The following SMCO4 variants were observed in gnomAD, a reference collection of about 807,000 sequenced individuals.
SMCO4 encodes the protein single-pass membrane and coiled-coil domain-containing protein 4.
In SMCO4, 4 loss-of-function variants were observed where a neutral mutation model predicts 3.6. The observed-to-expected ratio is 1.11, with a 90% CI of 0.54 to 2.53. The LOEUF is 2.53. Among genes scored for constraint, SMCO4 ranks in the 30% most tolerant of loss-of-function variants. The pLI, the probability that SMCO4 is intolerant of heterozygous loss-of-function variation, is 0.02. For missense variants in SMCO4, 70 were observed against 80.8 expected (o/e 0.87, Z 0.51); for synonymous variants, 36 against 35.3 (o/e 1.02, Z -0.07).
At chr11:93,502,029 C>T (rs1948844685) in intron 1 of SMCO4, among the ~76,000 whole-genome samples, 1 of 151,978 alleles carries the variant, frequency 6.6e-6, no homozygotes, top group African/African-American at 2.4e-5. Flanking sequence ...GCAGGTGACC[C>T]AGGGGGCAAA....
intron 1 of SMCO4, among the ~76,000 whole-genome samples, chr11:93,508,576 G>A (rs1948929747): frequency 6.6e-6 from 1 of 152,226 alleles, no homozygotes; most frequent in South Asian, 2.1e-4. Flanking sequence ...TCTGCAAAAT[G>A]AGGGAAATCA....
At chr11:93,500,767 T>C (rs1948828740) in intron 1 of SMCO4, among the ~76,000 whole-genome samples, 1 of 152,232 alleles carries the variant, frequency 6.6e-6, no homozygotes, top group Non-Finnish European at 1.5e-5. Flanking sequence ...AGAGGGTCTA[T>C]AAAGACTGAA....
At chr11:93,482,148 G>A (rs1948598904) in intron 2 of SMCO4, among the ~76,000 whole-genome samples, 1 of 152,246 alleles carries the variant, frequency 6.6e-6, no homozygotes, top group Non-Finnish European at 1.5e-5. Context: ...CAGGCTTCAG[G>A]AGGAGCAGCG....
At chr11:93,523,574 G>A (rs1450130590) in intron 1 of SMCO4, among the ~76,000 whole-genome samples, 1 of 152,152 alleles carries the variant, frequency 6.6e-6, no homozygotes, top group Admixed American at 6.5e-5. Context: ...CAGGAGAATC[G>A]CCTGAGCCTG....
At chr11:93,542,296 C>A (rs529341618) in intron 1 of SMCO4, among the ~76,000 whole-genome samples, 1 of 152,282 alleles carries the variant, frequency 6.6e-6, no homozygotes, top group South Asian at 2.1e-4. Context: ...CGCTGTTGGG[C>A]TCTGGGGATC....
intron 2 of SMCO4, among the ~76,000 whole-genome samples, chr11:93,493,124 C>T (rs1948737389): frequency 6.6e-6 from 1 of 152,068 alleles, no homozygotes; most frequent in South Asian, 2.1e-4. Context: ...GCTGATTTAC[C>T]AGTCAATGAG....
intron 1 of SMCO4, among the ~76,000 whole-genome samples, chr11:93,513,509 A>C (rs946961751): frequency 6.6e-6 from 1 of 152,226 alleles, no homozygotes; most frequent in South Asian, 2.1e-4. Flanking sequence ...ATAGCAATGG[A>C]AGAGAGGGCA....
chr11:93,488,318 G>T (rs1948674071), intron 2 of SMCO4, among the ~76,000 whole-genome samples: 2 of 152,214 alleles, frequency 1.3e-5, no homozygotes, highest in African/African-American at 4.8e-5. Context: ...GGGAGCAGCA[G>T]AGGGCAAGAT....
intron 2 of SMCO4, among the ~76,000 whole-genome samples, chr11:93,480,772 A>C (rs577629082): frequency 6.6e-6 from 1 of 152,286 alleles, no homozygotes; most frequent in East Asian, 1.9e-4. Flanking sequence ...GTAGAATGTG[A>C]ACTCAGAGTT....
intron 1 of SMCO4, among the ~76,000 whole-genome samples, chr11:93,520,686 C>T (rs1315096840): frequency 6.6e-6 from 1 of 152,162 alleles, no homozygotes; most frequent in Non-Finnish European, 1.5e-5. Context: ...ATCAACACTT[C>T]GGGATATAAA....
At chr11:93,508,597 A>T (rs1948930073) in intron 1 of SMCO4, among the ~76,000 whole-genome samples, 1 of 152,214 alleles carries the variant, frequency 6.6e-6, no homozygotes, top group South Asian at 2.1e-4. Flanking sequence ...TTAGTAACAA[A>T]GTGCAGGGCT....
intron 2 of SMCO4, among the ~76,000 whole-genome samples, chr11:93,495,757 C>T (rs1238946881): frequency 6.6e-6 from 1 of 152,140 alleles, no homozygotes; most frequent in Non-Finnish European, 1.5e-5. Flanking sequence ...ATTAAGGTTA[C>T]AAATGAAATA....
At chr11:93,501,867 C>T (rs777812404) in intron 1 of SMCO4, among the ~76,000 whole-genome samples, 8 of 151,972 alleles carry the variant, frequency 5.3e-5, no homozygotes, top group Non-Finnish European at 1.0e-4. Flanking sequence ...TTCTAAATAG[C>T]CTGAACAGCA....
chr11:93,542,991 T>C (rs150867913), intron 1 of SMCO4, among the ~76,000 whole-genome samples: 11,100 of 150,366 alleles, frequency 0.074, 529 homozygotes, highest in Non-Finnish European at 0.11. Flanking sequence ...CCCCAACTTT[T>C]CCCAGCCCCC....
chr11:93,550,547 C>A, the SMCO4 span, among the ~76,000 whole-genome samples: 4 of 152,060 alleles, frequency 2.6e-5, no homozygotes, highest in Admixed American at 1.3e-4. Context: ...TGGTGGCACA[C>A]CCTGGTAGTC....
chr11:93,492,577 C>A (rs1364280815), intron 2 of SMCO4, among the ~76,000 whole-genome samples: 1 of 152,190 alleles, frequency 6.6e-6, no homozygotes, highest in East Asian at 1.9e-4. Context: ...GAGAGCATTA[C>A]AAGGGACTGC....
At chr11:93,483,560 C>G (rs994369697) in intron 2 of SMCO4, among the ~76,000 whole-genome samples, 2 of 152,178 alleles carry the variant, frequency 1.3e-5, no homozygotes, top group African/African-American at 4.8e-5. Context: ...ACAAGAGAAG[C>G]CTCCACACTC....
chr11:93,479,240 C>A lies in SMCO4; in HGVS notation c.-51G>T. On this transcript the variant is annotated 5_prime_UTR_variant, in exon 3 of 3. Transcript: ENST00000298966. ...GTGTCCAGAGGGATTCCAGGAAGGG[C>A]CACACTCCTCTTGCCAAGGCTGGAA... is the stretch of plus-strand genomic sequence containing the variant. 6.3e-7 allele frequency: 1 copy of A among 1,582,764 alleles called. No individual in the cohort carries two copies. The highest frequency in any genetic ancestry group is 8.6e-7 in the Non-Finnish European group (1 of 1,161,908).
At chr11:93,509,058 G>A (rs1591315819) in intron 1 of SMCO4, among the ~76,000 whole-genome samples, 1 of 152,078 alleles carries the variant, frequency 6.6e-6, no homozygotes, top group Admixed American at 6.6e-5. Context: ...GGGAGGCGGA[G>A]GTAGGCAATT....
Sources: gnomAD v4.1 joint callset for allele counts (sites outside exome capture counted in the v4.1 genomes callset) on GRCh38, gnomAD v4.1.1 for gene constraint, MANE v1.5 for transcripts, NCBI Gene and HGNC (gene_info 2026-07-23, HGNC 2026-07-21) for gene names.